UPP2: variants seen among roughly 807,000 people sequenced by gnomAD.
UPP2 encodes uridine phosphorylase 2, also known as UPase 2.
UPP2 carries 23 observed loss-of-function variants against 26.7 expected under a neutral mutation model. The observed-to-expected ratio is 0.86, with a 90% CI of 0.62 to 1.22. The LOEUF is 1.22. Among genes scored for constraint, UPP2 ranks in the 50% most tolerant of loss-of-function variants. UPP2 has a pLI of 0.00. For missense variants in UPP2, 387 were observed against 396.7 expected (o/e 0.98, Z 0.21); for synonymous variants, 127 against 141.3 (o/e 0.90, Z 0.72).
chr2:158,030,484 T>G (rs1683906551), intron 3 of UPP2, among the ~76,000 whole-genome samples: 1 of 152,210 alleles, frequency 6.6e-6, no homozygotes, highest in Non-Finnish European at 1.5e-5. Context: ...TAGATTTCTG[T>G]TCTGTGTAAG....
chr2:158,108,934 T>TGTGTGTGTGTG (rs1683253817), intron 2 of UPP2, among the ~76,000 whole-genome samples: 3 of 80,576 alleles, frequency 3.7e-5, no homozygotes, highest in Non-Finnish European at 5.3e-5. Flanking sequence ...GTGTGTGTGT[T>TGTGTGTGTGTG]TGTAAATTGA....
At chr2:158,060,414 A>G (rs1372311301) in intron 3 of UPP2, among the ~76,000 whole-genome samples, 2 of 152,140 alleles carry the variant, frequency 1.3e-5, no homozygotes, top group East Asian at 3.9e-4. Context: ...GTTAGTTATT[A>G]TGATAGTGGG....
intron 3 of UPP2, among the ~76,000 whole-genome samples, chr2:158,026,632 G>C (rs955449442): frequency 6.6e-6 from 1 of 152,152 alleles, no homozygotes; most frequent in Non-Finnish European, 1.5e-5. Flanking sequence ...GGCTCCAGGA[G>C]AGTGGCTTCC....
intron 3 of UPP2, among the ~76,000 whole-genome samples, chr2:158,084,410 A>G (rs752334701): frequency 4.0e-5 from 6 of 151,716 alleles, no homozygotes; most frequent in Non-Finnish European, 7.4e-5. Flanking sequence ...CCTTTGTTGG[A>G]TATATAAATT....
At chr2:158,003,855 T>G (rs1683446902) in intron 2 of UPP2, among the ~76,000 whole-genome samples, 1 of 152,136 alleles carries the variant, frequency 6.6e-6, no homozygotes, top group Admixed American at 6.5e-5. Flanking sequence ...TATATGCTTG[T>G]GTGTGTGTAT....
intron 2 of UPP2, among the ~76,000 whole-genome samples, chr2:158,006,181 T>C (rs7604678): frequency 0.84 from 127,486 of 152,296 alleles, 53,551 homozygotes; most frequent in East Asian, 0.99. Flanking sequence ...CCATAATGGC[T>C]GGGCACGGTG....
At chr2:158,049,376 C>CCT (rs1682107935) in intron 3 of UPP2, among the ~76,000 whole-genome samples, 1 of 152,176 alleles carries the variant, frequency 6.6e-6, no homozygotes, top group Non-Finnish European at 1.5e-5. Flanking sequence ...ATGCCACAGG[C>CCT]CTCTTCCTTT....
Position 158,134,729 on chromosome 2 carries a change from G to A in UPP2, c.812-19G>A. 6.3e-7 allele frequency: 1 copy of A among 1,590,524 alleles called. No homozygotes were observed. Among genetic ancestry groups the A allele is most frequent in the Admixed American group, 1.8e-5 (1 of 56,780 alleles). ...GATGAACCCATTCATTCCATCAGTT[G>A]TGCTAATTGCTCTTCTAGCTGCTGT... On this transcript the variant is annotated intron_variant, in intron 6 of 6. Coordinates refer to ENST00000005756, the MANE Select transcript of UPP2 (RefSeq NM_173355.4).
At chr2:158,081,823 G>C (rs1369286400) in intron 3 of UPP2, among the ~76,000 whole-genome samples, 1 of 151,674 alleles carries the variant, frequency 6.6e-6, no homozygotes, top group Non-Finnish European at 1.5e-5. Context: ...TAGTGGGGAG[G>C]GGGAAAAGTA....
At chr2:158,095,137 T>A (rs1488096821) in intron 3 of UPP2, among the ~76,000 whole-genome samples, 1 of 152,192 alleles carries the variant, frequency 6.6e-6, no homozygotes, top group Non-Finnish European at 1.5e-5. Flanking sequence ...TGGGCCCTGC[T>A]ATTTGGGTAA....
At chr2:158,104,919 A>G (rs1683148972) in intron 1 of UPP2, among the ~76,000 whole-genome samples, 1 of 12,780 alleles carries the variant, frequency 7.8e-5, no homozygotes, top group South Asian at 3.7e-3. Flanking sequence ...AAACTCTGAA[A>G]GGGAAGGGAA....
chr2:158,027,721 T>C (rs746052510), intron 3 of UPP2, among the ~76,000 whole-genome samples: 2 of 152,228 alleles, frequency 1.3e-5, no homozygotes, highest in Non-Finnish European at 2.9e-5. Flanking sequence ...GCAGTAATTC[T>C]CCATGAGTGC....
At chr2:158,061,106 G>T (rs1558918210) in intron 3 of UPP2, among the ~76,000 whole-genome samples, 2 of 152,278 alleles carry the variant, frequency 1.3e-5, no homozygotes, top group African/African-American at 4.8e-5. Context: ...ATGTGATCAG[G>T]CTAACTATGT....
intron 1 of UPP2, among the ~76,000 whole-genome samples, chr2:158,102,429 G>T (rs1683096373): frequency 6.6e-6 from 1 of 152,106 alleles, no homozygotes; most frequent in Non-Finnish European, 1.5e-5. Context: ...TTCAGCCTGG[G>T]ACTCACTATA....
At chr2:158,033,862 T>G (rs1021167871) in intron 3 of UPP2, among the ~76,000 whole-genome samples, 1 of 152,230 alleles carries the variant, frequency 6.6e-6, no homozygotes, top group Non-Finnish European at 1.5e-5. Context: ...GTTTATTTGC[T>G]TATTCCAACC....
chr2:158,129,713 T>TA (rs35346642), intron 6 of UPP2, among the ~76,000 whole-genome samples: 65,786 of 146,246 alleles, frequency 0.45, 15,772 homozygotes, highest in Non-Finnish European at 0.54. Context: ...TAAACAGAGG[T>TA]AAAAAAAAAA....
chr2:158,123,855 TAC>T lies in UPP2; in HGVS notation c.773_774del (p.Thr258SerfsTer27). The T allele has an allele frequency of 1.2e-6, 2 of 1,614,108 alleles. No individual in the cohort carries two copies. Among genetic ancestry groups the T allele is most frequent in the Non-Finnish European group, 1.7e-6 (2 of 1,179,934 alleles). On this transcript the variant is annotated frameshift_variant, in exon 6 of 7. Transcript: ENST00000005756. LOFTEE classifies it low-confidence loss of function (END_TRUNC). ...AGVRNIEMES[T>X]VFAAMCGLCG... ...GTGTCAGGAATATTGAAATGGAATCTACAGTGTTTGCAGCTATGTGTGGACTC... is the reference window on the plus strand; with the variant it reads ...GTGTCAGGAATATTGAAATGGAATCTAGTGTTTGCAGCTATGTGTGGACTC...
At chr2:158,124,444 G>A (rs1364938755) in intron 6 of UPP2, among the ~76,000 whole-genome samples, 2 of 152,178 alleles carry the variant, frequency 1.3e-5, no homozygotes, top group African/African-American at 4.8e-5. Context: ...TGTACAGATT[G>A]TGTAGGACAC....
chr2:158,062,207 T>C (rs1682363305), intron 3 of UPP2, among the ~76,000 whole-genome samples: 1 of 152,244 alleles, frequency 6.6e-6, no homozygotes, highest in Non-Finnish European at 1.5e-5. Context: ...ATTTGTGCTG[T>C]ACAGTGCAGT....
Sources: gnomAD v4.1 joint callset for allele counts (sites outside exome capture counted in the v4.1 genomes callset) on GRCh38, gnomAD v4.1.1 for gene constraint, MANE v1.5 for transcripts, NCBI Gene and HGNC (gene_info 2026-07-23, HGNC 2026-07-21) for gene names.